TMEM63B: variants seen among roughly 807,000 people sequenced by gnomAD.
TMEM63B encodes the protein mechanosensitive cation channel TMEM63B.
A neutral mutation model predicts 102.6 loss-of-function variants in TMEM63B; 23 were observed. The ratio of observed to expected loss-of-function variants is 0.22; its 90% CI spans 0.16 to 0.32. The LOEUF is 0.32. Among genes scored for constraint, TMEM63B ranks in the 10% least tolerant of loss-of-function variants. The pLI, the probability that TMEM63B is intolerant of heterozygous loss-of-function variation, is 1.00. For missense variants in TMEM63B, 628 were observed against 1,095.9 expected (o/e 0.57, Z 6.03); for synonymous variants, 444 against 437.0 (o/e 1.02, Z -0.20).
At position 44,136,272 on chromosome 6, in the gene TMEM63B, C is replaced by T. The variant is rs1762926691; in HGVS notation, c.279-77C>T. 20 of 1,198,164 alleles carry T rather than the reference C, an allele frequency of 1.7e-5. No homozygotes were observed. The South Asian group carries it at 2.4e-4, about 15-fold the overall frequency. The allele number at this position is 1,198,164 out of a possible 1,614,324, so 74.2% of individuals were successfully genotyped here. On this transcript the variant is annotated intron_variant, in intron 4 of 23. Coordinates refer to ENST00000323267, the MANE Select transcript of TMEM63B (RefSeq NM_018426.3). ...TTCTGTGCCTTCTGTAGCCCTGGAG[C>T]TCTGGAGCACTCAGCCCAGCTTCCC...
At chr6:44,151,729 G>A in intron 18 of TMEM63B, 117 bp from the exon 19 acceptor site, 1 of 1,247,756 alleles carries the variant, frequency 8.0e-7, no homozygotes, top group Non-Finnish European at 1.1e-6. Flanking sequence ...AGCTGGGGGT[G>A]TCCACATGGA....
At chr6:44,142,375 C>G (rs1351911198) in intron 10 of TMEM63B, among the ~76,000 whole-genome samples, 1 of 148,026 alleles carries the variant, frequency 6.8e-6, no homozygotes, top group Non-Finnish European at 1.5e-5. Flanking sequence ...ACTGAAAATA[C>G]AAAAATTAGC....
rs566560457 is a variant in TMEM63B, at chr6:44,137,644, TATCCCC to T, written c.370-833_370-828del. On this transcript the variant is annotated intron_variant, in intron 5 of 23. Transcript: ENST00000323267. ...GCCCTCTGCGCAGCCCTCCCCTGAATATCCCCATTCTCTGCCTTTACATGCCTGGAG... is the reference window on the plus strand; with the variant it reads ...GCCCTCTGCGCAGCCCTCCCCTGAATATTCTCTGCCTTTACATGCCTGGAG... 1.5e-4 allele frequency among the ~76,000 whole-genome samples: 23 copies of T among 152,248 alleles called. No individual in the cohort carries two copies. In the East Asian group the frequency reaches 3.1e-3, roughly 20 times the overall value.
intron 10 of TMEM63B, among the ~76,000 whole-genome samples, chr6:44,144,138 A>T (rs918734380): frequency 6.6e-6 from 1 of 152,132 alleles, no homozygotes; most frequent in Non-Finnish European, 1.5e-5. Flanking sequence ...CATTTCATTG[A>T]TCCGCTCATT....
chr6:44,130,865 A>C (rs1778132701), intron 1 of TMEM63B, among the ~76,000 whole-genome samples: 1 of 142,896 alleles, frequency 7.0e-6, no homozygotes. Context: ...TATCTTCCCC[A>C]CTTGGCCTTC....
chr6:44,134,246 C>T (rs763554259), intron 1 of TMEM63B, among the ~76,000 whole-genome samples: 1 of 152,066 alleles, frequency 6.6e-6, no homozygotes. Context: ...GGGGTGGCGG[C>T]GGCAGGGGGG....
chr6:44,137,551 A>T (rs1181489596), intron 5 of TMEM63B, among the ~76,000 whole-genome samples: 1 of 152,110 alleles, frequency 6.6e-6, no homozygotes, highest in Non-Finnish European at 1.5e-5. Context: ...ATCACGGCCG[A>T]AAGGCACCTT....
At chr6:44,154,541 C>A (rs1767612352) in intron 23 of TMEM63B, 96 bp downstream of exon 23, 1 of 1,537,082 alleles carries the variant, frequency 6.5e-7, no homozygotes, top group South Asian at 1.1e-5. Context: ...CTGTGCCAGA[C>A]CCCATGGGGG....
intron 5 of TMEM63B, among the ~76,000 whole-genome samples, chr6:44,137,012 T>C (rs1763106460): frequency 6.6e-6 from 1 of 152,230 alleles, no homozygotes; most frequent in Admixed American, 6.5e-5. Context: ...GCCACTGCAC[T>C]CTAGCCTGGG....
At chr6:44,151,032 G>C (rs1382657641) in intron 18 of TMEM63B, among the ~76,000 whole-genome samples, 2 of 152,092 alleles carry the variant, frequency 1.3e-5, no homozygotes, top group African/African-American at 4.8e-5. Flanking sequence ...TACTTAGGGA[G>C]TGTCTTGGAG....
intron 5 of TMEM63B, among the ~76,000 whole-genome samples, chr6:44,137,415 G>A (rs1318490173): frequency 6.6e-6 from 1 of 152,196 alleles, no homozygotes; most frequent in Admixed American, 6.5e-5. Flanking sequence ...TCCAGCAGAA[G>A]ATGGCCTTCA....
In TMEM63B at chr6:44,141,994, C is replaced by T. The variant is rs1019131059; in HGVS notation, c.782+896C>T. On this transcript the variant is annotated intron_variant, in intron 10 of 23. Transcript: ENST00000323267. ...AAACTTAGCCAGGTGTGGTGGCGTG[C>T]GCCTGTAGTCCCAGCTACTTGGGAG... Among the ~76,000 whole-genome samples the T allele has an allele frequency of 5.3e-5, 8 of 151,390 alleles. No individual in the cohort carries two copies. In the Middle Eastern group the frequency reaches 0.01, roughly 193 times the overall value.
At chr6:44,138,684 T>C in intron 6 of TMEM63B, 167 bp downstream of exon 6, 1 of 641,094 alleles carries the variant, frequency 1.6e-6, no homozygotes, top group South Asian at 1.6e-5. Flanking sequence ...GAGCCTCTGC[T>C]GTACCCTGAA....
At chr6:44,140,513 T>C (rs1026602313) in intron 9 of TMEM63B, 153 bp downstream of exon 9, 1 of 702,486 alleles carries the variant, frequency 1.4e-6, no homozygotes, top group Non-Finnish European at 2.6e-6. Context: ...TTACATAACC[T>C]CCCAAGCCAT....
chr6:44,150,000 G>C (rs1368250400), intron 16 of TMEM63B, 35 bp downstream of exon 16: 1 of 1,588,518 alleles, frequency 6.3e-7, no homozygotes, highest in Non-Finnish European at 8.6e-7. Flanking sequence ...ACCTCGCTGT[G>C]GCCTGCCCTC....
chr6:44,128,726 G>A (rs965951742), intron 1 of TMEM63B, among the ~76,000 whole-genome samples: 1 of 152,258 alleles, frequency 6.6e-6, no homozygotes, highest in Non-Finnish European at 1.5e-5. Context: ...GCTGAAGAGG[G>A]GCCCATCCTG....
Position 44,154,684 on chromosome 6 carries a change from TCC to T in TMEM63B, c.2308-7_2308-6del. 1 of 1,537,188 alleles carries T rather than the reference TCC, an allele frequency of 6.5e-7. No homozygotes were observed. The highest frequency in any genetic ancestry group is 8.7e-7 in the Non-Finnish European group (1 of 1,142,894). ...TTCACCTTGCCCCCATTTCCTCTCC[TCC>T]TTCAGAAATACATCGCTCAGGTGCT... On this transcript the variant is annotated splice_region_variant and splice_polypyrimidine_tract_variant and intron_variant, in intron 23 of 23. Transcript: ENST00000323267.
rs377733970 is a variant in TMEM63B at position 44,146,886 on chromosome 6, G to T, written c.822G>T (p.Pro274=). Residue 274 remains proline (P), a synonymous_variant, in exon 11 of 24, where the codon CCG becomes CCT. Transcript: ENST00000323267. The part of the protein sequence containing the change: ...YPNCTVLEAR[P]CYNVARLMFL... ...ACTGCACAGTTCTCGAAGCCCGCCCGTGTTACAACGTGGCTCGCCTAATGT... is the reference window on the plus strand; with the variant it reads ...ACTGCACAGTTCTCGAAGCCCGCCCTTGTTACAACGTGGCTCGCCTAATGT... 1.2e-6 allele frequency: 2 copies of T among 1,613,998 alleles called. No individual in the cohort carries two copies. Among genetic ancestry groups the T allele is most frequent in the Admixed American group, 1.7e-5 (1 of 59,998 alleles).
chr6:44,135,122 G>A (rs376956266), intron 3 of TMEM63B, 26 bp downstream of exon 3: 17 of 1,611,910 alleles, frequency 1.1e-5, no homozygotes, highest in Non-Finnish European at 1.4e-5. Flanking sequence ...CCTCCCTCTA[G>A]CTCTCCACAC....
Sources: gnomAD v4.1 joint callset for allele counts (sites outside exome capture counted in the v4.1 genomes callset) on GRCh38, gnomAD v4.1.1 for gene constraint, MANE v1.5 for transcripts, NCBI Gene and HGNC (gene_info 2026-07-23, HGNC 2026-07-21) for gene names.